The following PRDM2 variants were observed in gnomAD, a reference collection of about 807,000 sequenced individuals.
PRDM2 encodes the protein PR domain zinc finger protein 2.
Under a neutral mutation model 130.0 loss-of-function variants are expected in PRDM2, and 30 were observed. The ratio of observed to expected loss-of-function variants is 0.23; its 90% CI spans 0.17 to 0.31. The LOEUF (loss-of-function observed/expected upper bound fraction) is 0.31. Among genes scored for constraint, PRDM2 ranks in the 10% least tolerant of loss-of-function variants. The pLI, the probability that PRDM2 is intolerant of heterozygous loss-of-function variation, is 1.00. For synonymous variants in PRDM2, 871 were observed against 782.4 expected (o/e 1.11, Z -1.89); for missense variants, 2,011 against 2,108.4 (o/e 0.95, Z 0.90).
At chr1:13,755,994 G>T (rs1213641174) in intron 6 of PRDM2, among the ~76,000 whole-genome samples, 1 of 151,558 alleles carries the variant, frequency 6.6e-6, no homozygotes, top group Non-Finnish European at 1.5e-5. Flanking sequence ...GCTCACACCT[G>T]TAATCCCAGC....
At chr1:13,716,775 G>A (rs1642554597) in intron 2 of PRDM2, among the ~76,000 whole-genome samples, 1 of 152,002 alleles carries the variant, frequency 6.6e-6, no homozygotes, top group Non-Finnish European at 1.5e-5. Context: ...GAAATACGTG[G>A]GTGTCAGAAA....
rs541616064 is a variant in PRDM2 at position 13,803,011 on chromosome 1, G to A, written c.5037-13416G>A. On this transcript the variant is annotated intron_variant, in intron 8 of 9. Coordinates refer to ENST00000311066, the MANE Select transcript of PRDM2 (RefSeq NM_001393986.1). This position sits in a 1 kb window ranked among gnomAD's most constrained non-coding sequence, Gnocchi z 6.2. ...CCACCCTGCTGGGCTTCTCTCACCC[G>A]GGCTGGTCGTGTCACGGGCAGTGAC... Among the ~76,000 whole-genome samples, 7 of 152,308 alleles carry A rather than the reference G, an allele frequency of 4.6e-5. No individual in the cohort carries two copies. The highest frequency in any genetic ancestry group is 4.1e-4 in the South Asian group (2 of 4,830).
Position 13,780,969 on chromosome 1 carries a change from T to C in PRDM2, c.3174T>C (p.Ser1058=), listed in dbSNP as rs373262199. 5.6e-6 allele frequency: 9 copies of C among 1,602,656 alleles called. No homozygotes were observed. The highest frequency in any genetic ancestry group is 7.7e-6 in the Non-Finnish European group (9 of 1,169,932). The change falls in exon 8 of 10, where the codon TCT becomes TCC. Residue 1058 remains serine, a synonymous_variant. Coordinates refer to ENST00000311066, the MANE Select transcript of PRDM2 (RefSeq NM_001393986.1). ...PPTLSSSSSS[S]SSSSSFSSSS... ...CACTTTCTTCTTCCTCCTCTTCATCTTCCTCCTCCTCTTCGTTTTCTTCTT... is the reference window on the plus strand; with the variant it reads ...CACTTTCTTCTTCCTCCTCTTCATCCTCCTCCTCCTCTTCGTTTTCTTCTT...
Position 13,781,429 on chromosome 1 carries a change from G to T in PRDM2, c.3634G>T (p.Asp1212Tyr). 6.2e-7 allele frequency: 1 copy of T among 1,614,070 alleles called. No homozygotes were observed. The highest frequency in any genetic ancestry group is 8.5e-7 in the Non-Finnish European group (1 of 1,180,048). ...GTGCAATTTGCAGCAGCACCAGCGA[G>T]ATCTCCACCCAGATAAGGTGTGCAC... The part of the protein sequence containing the change: ...FLCNLQQHQR[D>Y]LHPDKVCTHH... Residue 1212 changes from aspartate (D) to tyrosine (Y), a missense_variant, in exon 8 of 10, where the codon GAT becomes TAT. Physicochemically the swap from Asp to Tyr is radical, Grantham distance 160. Around this residue, in one of 5 missense-constraint regions of PRDM2, gnomAD observed 229 missense variants for 364.1 expected, o/e 0.63. Coordinates refer to ENST00000311066, the MANE Select transcript of PRDM2 (RefSeq NM_001393986.1). This position sits in a 1 kb window ranked among gnomAD's most constrained non-coding sequence, Gnocchi z 6.1.
At chr1:13,749,271 C>T in intron 5 of PRDM2, 90 bp from the exon 6 acceptor site, 7 of 1,211,896 alleles carry the variant, frequency 5.8e-6, no homozygotes, top group Non-Finnish European at 7.4e-6. Context: ...GCCATCGGCG[C>T]CGCTCCCGCC....
chr1:13,774,523 T>G (rs1024976446), intron 7 of PRDM2, among the ~76,000 whole-genome samples: 1 of 152,214 alleles, frequency 6.6e-6, no homozygotes, highest in Non-Finnish European at 1.5e-5. Context: ...GCCTCCTCAT[T>G]GCAGGTGTGC....
rs367863713 is a variant in PRDM2, at chr1:13,803,515, T to C, written c.5037-12912T>C. Among the ~76,000 whole-genome samples the C allele has an allele frequency of 1.8e-3, 271 of 152,174 alleles. 6 individuals carry two copies. In the South Asian group the frequency reaches 0.054, roughly 30 times the overall value. ...TCTTCCCATCATCAATGTCCCCAAATAAGCAGTGAGCCTAGTCCTGTCTCC... is the reference window on the plus strand; with the variant it reads ...TCTTCCCATCATCAATGTCCCCAAACAAGCAGTGAGCCTAGTCCTGTCTCC... On this transcript the variant is annotated intron_variant, in intron 8 of 9. Transcript: ENST00000311066. This position sits in a 1 kb window ranked among gnomAD's most constrained non-coding sequence, Gnocchi z 6.2.
intron 7 of PRDM2, among the ~76,000 whole-genome samples, chr1:13,777,036 T>C (rs969261430): frequency 6.6e-6 from 1 of 152,196 alleles, no homozygotes; most frequent in Non-Finnish European, 1.5e-5. Context: ...CCTTAAACTT[T>C]AGCACGTCTG....
chr1:13,805,493 G>A (rs528946870), intron 8 of PRDM2, among the ~76,000 whole-genome samples: 20 of 152,240 alleles, frequency 1.3e-4, no homozygotes, highest in African/African-American at 4.1e-4. Flanking sequence ...AGTGGATGTC[G>A]ACTGTTCCTG....
chr1:13,788,923 G>A (rs1224368638), intron 8 of PRDM2, among the ~76,000 whole-genome samples: 1 of 152,210 alleles, frequency 6.6e-6, no homozygotes. Context: ...CTGGATCATA[G>A]TTCCCAGTCT....
intron 6 of PRDM2, among the ~76,000 whole-genome samples, chr1:13,772,567 T>C (rs1469007364): frequency 6.6e-6 from 1 of 152,224 alleles, no homozygotes; most frequent in Non-Finnish European, 1.5e-5. Flanking sequence ...CCATTGTGAA[T>C]GTGTATCTTT....
At position 13,823,273 on chromosome 1, in the gene PRDM2, G is replaced by T; in HGVS notation, c.*138G>T. On this transcript the variant is annotated 3_prime_UTR_variant, in exon 10 of 10. Coordinates refer to ENST00000311066, the MANE Select transcript of PRDM2 (RefSeq NM_001393986.1). ...CGAGAGAAAGGGAGTGCATGTGCGC[G>T]CGTGCATGTGTGCGTGCGTGTGTGT... 1 of 1,418,368 alleles carries T rather than the reference G, an allele frequency of 7.1e-7. No homozygotes were observed. The highest frequency in any genetic ancestry group is 9.9e-7 in the Non-Finnish European group (1 of 1,010,602). 87.9% of individuals were successfully genotyped at this position (1,418,368 alleles called of 1,614,324 possible).
At chr1:13,737,880 G>A (rs1263397317) in intron 4 of PRDM2, among the ~76,000 whole-genome samples, 1 of 152,010 alleles carries the variant, frequency 6.6e-6, no homozygotes, top group Admixed American at 6.6e-5. Context: ...CACCATGCTT[G>A]GCATAAAATG....
chr1:13,736,482 TTAAC>T (rs1296680132), intron 4 of PRDM2, among the ~76,000 whole-genome samples: 6 of 152,354 alleles, frequency 3.9e-5, no homozygotes, highest in East Asian at 3.9e-4. Flanking sequence ...CATGATTTAT[TTAAC>T]TAAGCCTTAT....
At chr1:13,727,204 A>G (rs2100456770) in intron 2 of PRDM2, among the ~76,000 whole-genome samples, 1 of 151,442 alleles carries the variant, frequency 6.6e-6, no homozygotes, top group Non-Finnish European at 1.5e-5. Context: ...TTCCCTTTCT[A>G]CTTCTAGAGA....
intron 8 of PRDM2, among the ~76,000 whole-genome samples, chr1:13,783,408 C>T (rs547211238): frequency 6.6e-6 from 1 of 152,280 alleles, no homozygotes; most frequent in East Asian, 1.9e-4. Context: ...CTGAACTCAG[C>T]CGTAGGACGG....
chr1:13,742,297 C>A, intron 5 of PRDM2, 140 bp downstream of exon 5: 1 of 953,016 alleles, frequency 1.0e-6, no homozygotes, highest in Non-Finnish European at 1.6e-6. Context: ...GCCTCCCCAG[C>A]CTTGGGCGAT....
intron 6 of PRDM2, among the ~76,000 whole-genome samples, chr1:13,754,443 G>A (rs552956473): frequency 4.8e-4 from 73 of 152,304 alleles, no homozygotes; most frequent in Non-Finnish European, 7.6e-4. Context: ...ACTTGTCCAA[G>A]ATCACCCTAC....
intron 1 of PRDM2, among the ~76,000 whole-genome samples, chr1:13,712,161 C>G (rs906634603): frequency 6.6e-6 from 1 of 151,744 alleles, no homozygotes; most frequent in African/African-American, 2.4e-5. Flanking sequence ...GAGTTCGAGG[C>G]TGCAGTGAGC....
Sources: allele counts gnomAD v4.1 joint callset (sites outside exome capture counted in the v4.1 genomes callset), GRCh38; gene constraint gnomAD v4.1.1; regional missense constraint gnomAD v4.1.1; non-coding constraint Gnocchi (gnomAD v3.1); transcripts MANE v1.5; gene names NCBI Gene and HGNC (gene_info 2026-07-23, HGNC 2026-07-21).